Variants in FNIP1 observed in about 807,000 individuals in gnomAD.
The protein encoded by FNIP1 is folliculin interacting protein 1.
Under a neutral mutation model 124.5 loss-of-function variants are expected in FNIP1, and 40 were observed. That is an observed-to-expected ratio of 0.32 (90% CI 0.25 to 0.42). The LOEUF is 0.42. FNIP1 is among the 10% of genes least tolerant of loss of function. FNIP1 has a pLI of 1.00. For missense variants in FNIP1, 1,176 were observed against 1,403.7 expected (o/e 0.84, Z 2.59); for synonymous variants, 472 against 470.6 (o/e 1.00, Z -0.04).
At chr5:131,720,320 C>T (rs571361629) in intron 3 of FNIP1, among the ~76,000 whole-genome samples, 2 of 152,274 alleles carry the variant, frequency 1.3e-5, no homozygotes, top group African/African-American at 4.8e-5. Flanking sequence ...AAACTGGTGT[C>T]CTATATCATG....
At chr5:131,780,313 C>T (rs1331061552) in intron 1 of FNIP1, among the ~76,000 whole-genome samples, 1 of 152,048 alleles carries the variant, frequency 6.6e-6, no homozygotes, top group Non-Finnish European at 1.5e-5. Context: ...AATGAGCAAC[C>T]ACAGGATTCA....
At chr5:131,731,928 T>C (rs1250895788) in intron 2 of FNIP1, among the ~76,000 whole-genome samples, 1 of 152,256 alleles carries the variant, frequency 6.6e-6, no homozygotes, top group Non-Finnish European at 1.5e-5. Flanking sequence ...GATTTAACTA[T>C]ACATATGTTT....
chr5:131,690,274 G>T (rs1279976121), intron 11 of FNIP1, among the ~76,000 whole-genome samples: 2 of 151,938 alleles, frequency 1.3e-5, no homozygotes, highest in African/African-American at 4.8e-5. Context: ...TTAAGGTATA[G>T]AAAAAGATAT....
At chr5:131,714,382 T>C (rs1769398183) in intron 6 of FNIP1, among the ~76,000 whole-genome samples, 1 of 152,122 alleles carries the variant, frequency 6.6e-6, no homozygotes, top group Non-Finnish European at 1.5e-5. Flanking sequence ...TTTCCCCTAA[T>C]ACAATTGTTG....
chr5:131,698,909 A>G lies in FNIP1; in HGVS notation c.1202+8T>C, dbSNP rs1580765379. ...TTACTGCATTATGGAAAGCTGGGCAATATGTACCTGAATTCATTTAGGGCA... is the reference window on the plus strand; with the variant it reads ...TTACTGCATTATGGAAAGCTGGGCAGTATGTACCTGAATTCATTTAGGGCA... On this transcript the variant is annotated splice_region_variant and intron_variant, in intron 11 of 17. Coordinates refer to ENST00000510461, the MANE Select transcript of FNIP1 (RefSeq NM_133372.3). The G allele has an allele frequency of 6.2e-7, 1 of 1,601,160 alleles. No individual in the cohort carries two copies. Among genetic ancestry groups the G allele is most frequent in the Non-Finnish European group, 8.5e-7 (1 of 1,175,202 alleles).
intron 11 of FNIP1, among the ~76,000 whole-genome samples, chr5:131,697,968 C>CAAAAAAAAAA (rs753487190): frequency 1.0e-3 from 58 of 58,174 alleles, no homozygotes; most frequent in Non-Finnish European, 1.5e-3. Flanking sequence ...GACTCCACCT[C>CAAAAAAAAAA]AAAAAAAAAA....
intron 13 of FNIP1, 156 bp downstream of exon 13, chr5:131,677,547 A>C: frequency 1.5e-6 from 1 of 651,850 alleles, no homozygotes; most frequent in South Asian, 2.4e-5. Flanking sequence ...GACGAGGATA[A>C]GACAAATTGG....
chr5:131,750,434 T>A (rs892626813), intron 1 of FNIP1, among the ~76,000 whole-genome samples: 1 of 152,076 alleles, frequency 6.6e-6, no homozygotes, highest in Non-Finnish European at 1.5e-5. Context: ...GATATGTACC[T>A]ACTATGTGCC....
intron 1 of FNIP1, among the ~76,000 whole-genome samples, chr5:131,759,273 C>G (rs1771148763): frequency 6.6e-6 from 1 of 152,126 alleles, no homozygotes; most frequent in Non-Finnish European, 1.5e-5. Flanking sequence ...AACTAAACAG[C>G]TTCTGCACAG....
At position 131,672,418 on chromosome 5, in the gene FNIP1, C is replaced by G. The variant is rs369691927; in HGVS notation, c.2026G>C (p.Ala676Pro). ...GTGCAAACAACTGTCTCTAACTTGGCGTCAAAGCAAGTTCTTAATTTATCT... is the reference window on the plus strand; with the variant it reads ...GTGCAAACAACTGTCTCTAACTTGGGGTCAAAGCAAGTTCTTAATTTATCT... ...YRDKLRTCFD[A>P]KLETVVCTGS... is the part of the protein sequence containing the mutation. The change falls in exon 14 of 18, where the codon GCC becomes CCC. Residue 676 changes from alanine to proline, a missense_variant. Ala to Pro is a conservative substitution (Grantham distance 27). Coordinates refer to ENST00000510461, the MANE Select transcript of FNIP1 (RefSeq NM_133372.3). 1 of 1,613,866 alleles carries G rather than the reference C, an allele frequency of 6.2e-7. No homozygotes were observed. The highest frequency in any genetic ancestry group is 8.5e-7 in the Non-Finnish European group (1 of 1,180,022).
At chr5:131,684,986 T>C (rs1280722285) in intron 11 of FNIP1, among the ~76,000 whole-genome samples, 5 of 152,190 alleles carry the variant, frequency 3.3e-5, no homozygotes, top group African/African-American at 1.2e-4. Flanking sequence ...ATTGAAAACA[T>C]ATAATGTACC....
chr5:131,784,684 T>C (rs1772103759), intron 1 of FNIP1, among the ~76,000 whole-genome samples: 1 of 151,636 alleles, frequency 6.6e-6, no homozygotes, highest in South Asian at 2.1e-4. Flanking sequence ...TAGCTGGGCA[T>C]GGTAGCTCTT....
At chr5:131,656,589 A>G (rs1179384495) in intron 15 of FNIP1, among the ~76,000 whole-genome samples, 1 of 152,162 alleles carries the variant, frequency 6.6e-6, no homozygotes, top group Non-Finnish European at 1.5e-5. Context: ...ACGCTAGGAA[A>G]GTATGGTTTG....
At chr5:131,753,029 A>G (rs528853311) in intron 1 of FNIP1, among the ~76,000 whole-genome samples, 8 of 152,324 alleles carry the variant, frequency 5.3e-5, no homozygotes, top group African/African-American at 1.9e-4. Flanking sequence ...CCACGATTGC[A>G]TCACTGCACT....
chr5:131,653,218 C>A (rs1386703757), intron 15 of FNIP1, among the ~76,000 whole-genome samples: 1 of 151,846 alleles, frequency 6.6e-6, no homozygotes, highest in African/African-American at 2.4e-5. Context: ...TAACAGGGTT[C>A]TCCAAGACAC....
chr5:131,786,081 A>C (rs1007743184), intron 1 of FNIP1, among the ~76,000 whole-genome samples: 4 of 152,212 alleles, frequency 2.6e-5, no homozygotes, highest in Non-Finnish European at 5.9e-5. Flanking sequence ...TTAAATTGAT[A>C]AACAATGATG....
At chr5:131,787,852 T>G (rs1174930391) in intron 1 of FNIP1, among the ~76,000 whole-genome samples, 1 of 152,118 alleles carries the variant, frequency 6.6e-6, no homozygotes, top group Non-Finnish European at 1.5e-5. Flanking sequence ...AGCTCACACC[T>G]GTAATCCCAA....
At chr5:131,737,706 T>C (rs571680363) in intron 2 of FNIP1, among the ~76,000 whole-genome samples, 37 of 152,234 alleles carry the variant, frequency 2.4e-4, no homozygotes, top group Non-Finnish European at 5.0e-4. Flanking sequence ...AGATAGTAAG[T>C]GCTAACGTGA....
intron 15 of FNIP1, among the ~76,000 whole-genome samples, chr5:131,670,121 A>G (rs982954795): frequency 1.1e-4 from 16 of 152,236 alleles, no homozygotes; most frequent in African/African-American, 3.4e-4. Flanking sequence ...CCCCACTTCT[A>G]TATGTAAGCA....
Sources: allele counts gnomAD v4.1 joint callset (sites outside exome capture counted in the v4.1 genomes callset), GRCh38; gene constraint gnomAD v4.1.1; transcripts MANE v1.5; gene names NCBI Gene and HGNC (gene_info 2026-07-23, HGNC 2026-07-21).